MACROD2: variants seen among roughly 807,000 people sequenced by gnomAD.
MACROD2 encodes the protein ADP-ribose glycohydrolase MACROD2.
MACROD2 carries 36 observed loss-of-function variants against 70.4 expected under a neutral mutation model. The ratio of observed to expected loss-of-function variants is 0.51; its 90% CI spans 0.39 to 0.68. MACROD2 has a LOEUF of 0.68. Ranked by LOEUF, MACROD2 falls within the 30% of genes least tolerant of loss-of-function variation. The pLI, the probability that MACROD2 is intolerant of heterozygous loss-of-function variation, is 0.00. For missense variants in MACROD2, 496 were observed against 538.4 expected, an observed-to-expected ratio of 0.92 and a Z score of 0.78; for synonymous variants, 172 against 178.8, an observed-to-expected ratio of 0.96 and a Z score of 0.30.
intron 8 of MACROD2, among the ~76,000 whole-genome samples, chr20:15,854,280 C>T (rs999340345): frequency 1.3e-5 from 2 of 152,026 alleles, no homozygotes; most frequent in African/African-American, 4.8e-5. Context: ...CTCTTGCTGG[C>T]GTGGAAGAAA....
intron 4 of MACROD2, among the ~76,000 whole-genome samples, chr20:14,664,498 CT>C (rs2070715374): frequency 6.6e-6 from 1 of 151,990 alleles, no homozygotes; most frequent in African/African-American, 2.4e-5. Flanking sequence ...AGAAGATTTA[CT>C]TTGGAACTTG....
chr20:14,269,304 A>G (rs540175015), intron 3 of MACROD2, among the ~76,000 whole-genome samples: 1 of 152,328 alleles, frequency 6.6e-6, no homozygotes, highest in East Asian at 1.9e-4. Context: ...GAATGTAAGA[A>G]TATCTCCAAT....
At chr20:14,335,455 T>C (rs1194209149) in intron 3 of MACROD2, among the ~76,000 whole-genome samples, 1 of 152,192 alleles carries the variant, frequency 6.6e-6, no homozygotes, top group East Asian at 1.9e-4. Context: ...TAATTAACAC[T>C]TGAAAGCAAA....
intron 5 of MACROD2, among the ~76,000 whole-genome samples, chr20:15,045,719 G>GTTTTTTTTTT (rs71335981): frequency 2.2e-4 from 16 of 73,386 alleles, no homozygotes; most frequent in South Asian, 1.5e-3. Context: ...CCAGACCAGG[G>GTTTTTTTTTT]TTTTTTTTTT....
At chr20:14,707,848 T>G (rs148318760) in intron 5 of MACROD2, among the ~76,000 whole-genome samples, 34 of 152,350 alleles carry the variant, frequency 2.2e-4, no homozygotes, top group African/African-American at 8.2e-4. Flanking sequence ...TTATTTTGAA[T>G]TCCACATTAA....
At chr20:14,865,172 C>T (rs1203855114) in intron 5 of MACROD2, among the ~76,000 whole-genome samples, 1 of 152,042 alleles carries the variant, frequency 6.6e-6, no homozygotes, top group African/African-American at 2.4e-5. Flanking sequence ...TAGGCATTGT[C>T]AGGAGATTAG....
chr20:15,975,275 G>A (rs929149542), intron 13 of MACROD2, among the ~76,000 whole-genome samples: 20 of 151,976 alleles, frequency 1.3e-4, no homozygotes, highest in African/African-American at 4.6e-4. Context: ...AAACACGCTC[G>A]CATAATATTC....
At chr20:15,994,416 G>A (rs186086677) in intron 15 of MACROD2, among the ~76,000 whole-genome samples, 54 of 151,950 alleles carry the variant, frequency 3.6e-4, no homozygotes, top group African/African-American at 1.3e-3. Context: ...AAAACTCTTC[G>A]AACAAGATGT....
intron 8 of MACROD2, among the ~76,000 whole-genome samples, chr20:15,565,937 C>T (rs1222204924): frequency 2.6e-5 from 4 of 151,828 alleles, no homozygotes; most frequent in African/African-American, 9.7e-5. Context: ...AGTACTAATC[C>T]TTTTCCTGCC....
chr20:14,881,708 G>C (rs1425454859), intron 5 of MACROD2, among the ~76,000 whole-genome samples: 1 of 152,116 alleles, frequency 6.6e-6, no homozygotes, highest in Non-Finnish European at 1.5e-5. Context: ...TCCTGCACTT[G>C]TGTTTGAGCA....
intron 8 of MACROD2, among the ~76,000 whole-genome samples, chr20:15,630,005 T>C (rs937811621): frequency 6.6e-6 from 1 of 152,224 alleles, no homozygotes; most frequent in African/African-American, 2.4e-5. Flanking sequence ...TCATTCTTTT[T>C]CTTCCCAGGT....
chr20:14,345,610 T>A (rs1377786643), intron 3 of MACROD2, among the ~76,000 whole-genome samples: 3 of 152,118 alleles, frequency 2.0e-5, no homozygotes, highest in Non-Finnish European at 4.4e-5. Flanking sequence ...TTTGTATTTT[T>A]AGTAGAGATG....
At chr20:15,123,840 C>T (rs1417022676) in intron 5 of MACROD2, among the ~76,000 whole-genome samples, 3 of 152,124 alleles carry the variant, frequency 2.0e-5, no homozygotes, top group Admixed American at 2.0e-4. Context: ...TGCTTGCAAC[C>T]ATGACACACA....
chr20:15,233,979 TTATTTATATATATA>T lies in MACROD2; in HGVS notation c.540+3922_540+3935del, dbSNP rs1226448995. ...CCAAAAAATTTATTTTTATATATATTTATTTATATATATATATATATATATATATATTCTTTTTT... is the reference window on the plus strand; with the variant it reads ...CCAAAAAATTTATTTTTATATATATTTATATATATATATATATTCTTTTTT... On this transcript the variant is annotated intron_variant, in intron 6 of 17. Coordinates refer to ENST00000684519, the MANE Select transcript of MACROD2 (RefSeq NM_001351661.2). 3.6e-3 allele frequency among the ~76,000 whole-genome samples: 177 copies of T among 48,992 alleles called. 7 individuals carry two copies. The highest frequency in any genetic ancestry group is 0.029 in the South Asian group (41 of 1,422). The allele number at this position is 48,992 out of a possible 152,430, so 32.1% of individuals were successfully genotyped here.
At chr20:14,093,668 CAAAAA>C (rs11475558) in intron 3 of MACROD2, among the ~76,000 whole-genome samples, 1 of 144,964 alleles carries the variant, frequency 6.9e-6, no homozygotes, top group Admixed American at 6.9e-5. Context: ...ACTCATTTGA[CAAAAA>C]AAAAAAACCC....
intron 5 of MACROD2, among the ~76,000 whole-genome samples, chr20:14,882,577 C>G (rs1416572457): frequency 6.6e-6 from 1 of 152,254 alleles, no homozygotes; most frequent in East Asian, 1.9e-4. Context: ...CCAACTCATC[C>G]CTTCTCTTTG....
At chr20:14,295,790 G>A (rs1320052849) in intron 3 of MACROD2, among the ~76,000 whole-genome samples, 2 of 151,860 alleles carry the variant, frequency 1.3e-5, no homozygotes, top group Admixed American at 1.3e-4. Flanking sequence ...GTGCGACTGA[G>A]TCTAGCACTA....
chr20:14,649,844 C>T (rs1324228078), intron 4 of MACROD2, among the ~76,000 whole-genome samples: 1 of 152,152 alleles, frequency 6.6e-6, no homozygotes, highest in African/African-American at 2.4e-5. Context: ...AACACCCAGG[C>T]TTGGTTCTCA....
At chr20:15,748,136 A>G (rs997866096) in intron 8 of MACROD2, among the ~76,000 whole-genome samples, 2 of 152,152 alleles carry the variant, frequency 1.3e-5, no homozygotes, top group African/African-American at 4.8e-5. Context: ...GCATCTGCTT[A>G]TATATGACTG....
Sources: gnomAD v4.1 joint callset for allele counts (sites outside exome capture counted in the v4.1 genomes callset) on GRCh38, gnomAD v4.1.1 for gene constraint, MANE v1.5 for transcripts, NCBI Gene and HGNC (gene_info 2026-07-23, HGNC 2026-07-21) for gene names.